ELL: variants seen among roughly 807,000 people sequenced by gnomAD.
The protein encoded by ELL is elongation factor for RNA polymerase II, also known as RNA polymerase II elongation factor ELL.
A neutral mutation model predicts 64.0 loss-of-function variants in ELL; 18 were observed. The observed-to-expected ratio is 0.28, with a 90% CI of 0.19 to 0.42. The LOEUF (loss-of-function observed/expected upper bound fraction) is 0.42, where lower values mean the gene tolerates loss of function less well. ELL is among the 10% of genes least tolerant of loss of function. The probability of loss-of-function intolerance (pLI) is 1.00; values close to 1 mark genes in which losing one functional copy is unlikely to be tolerated. For synonymous variants in ELL, 399 were observed against 376.2 expected (o/e 1.06, Z -0.70); for missense variants, 797 against 870.4 (o/e 0.92, Z 1.06).
intron 1 of ELL, among the ~76,000 whole-genome samples, chr19:18,488,257 G>C (rs1487520752): frequency 1.3e-5 from 2 of 152,232 alleles, no homozygotes; most frequent in Non-Finnish European, 2.9e-5. Flanking sequence ...TTCCCAGAAA[G>C]ATGCCCGTCC....
intron 3 of ELL, 72 bp downstream of exon 3, chr19:18,465,725 C>T (rs540396988): frequency 5.5e-6 from 8 of 1,442,366 alleles, no homozygotes; most frequent in African/African-American, 4.4e-5. Flanking sequence ...GGGCACATCT[C>T]AACCCTGGGC....
chr19:18,510,185 T>C (rs1365601707), intron 1 of ELL, among the ~76,000 whole-genome samples: 1 of 152,204 alleles, frequency 6.6e-6, no homozygotes, highest in Non-Finnish European at 1.5e-5. Flanking sequence ...CTGGCCAGCA[T>C]GGTGAAACCC....
At chr19:18,515,436 C>T (rs752114803) in intron 1 of ELL, among the ~76,000 whole-genome samples, 1 of 152,258 alleles carries the variant, frequency 6.6e-6, no homozygotes, top group Non-Finnish European at 1.5e-5. Context: ...ATTCTGAGTT[C>T]TCAGCTACTT....
At chr19:18,504,456 A>G (rs2144968358) in intron 1 of ELL, among the ~76,000 whole-genome samples, 1 of 152,266 alleles carries the variant, frequency 6.6e-6, no homozygotes, top group Admixed American at 6.5e-5. Flanking sequence ...TGCCATGTAC[A>G]TCTCATCCCT....
chr19:18,451,365 C>G (rs1288360658), intron 7 of ELL, among the ~76,000 whole-genome samples, 187 bp downstream of exon 7: 1 of 152,246 alleles, frequency 6.6e-6, no homozygotes, highest in Admixed American at 6.5e-5. Context: ...TGCGGCCACA[C>G]TGGCAGGAAT....
chr19:18,503,888 G>A (rs1405797214), intron 1 of ELL, among the ~76,000 whole-genome samples: 2 of 152,180 alleles, frequency 1.3e-5, no homozygotes, highest in Non-Finnish European at 2.9e-5. Context: ...GGAGTCACAC[G>A]TGGGGGCCTG....
intron 1 of ELL, among the ~76,000 whole-genome samples, chr19:18,483,487 C>T (rs186972898): frequency 1.4e-3 from 213 of 152,310 alleles, no homozygotes; most frequent in African/African-American, 4.7e-3. Flanking sequence ...CCAAATCACA[C>T]GCAAGGACTC....
intron 1 of ELL, among the ~76,000 whole-genome samples, chr19:18,506,280 C>T (rs1001591199): frequency 6.6e-6 from 1 of 152,246 alleles, no homozygotes; most frequent in Admixed American, 6.5e-5. Context: ...CAGCGACCTG[C>T]CTGGGCCACC....
chr19:18,494,457 G>A (rs1015602079), intron 1 of ELL, among the ~76,000 whole-genome samples: 2 of 151,712 alleles, frequency 1.3e-5, no homozygotes, highest in Non-Finnish European at 2.9e-5. Context: ...GCAGTGGCGC[G>A]ATCTCTGCTC....
At position 18,458,187 on chromosome 19, in the gene ELL, G is replaced by C. The variant is rs1429870808; in HGVS notation, c.869+18C>G. On this transcript the variant is annotated intron_variant, in intron 6 of 11. Coordinates refer to ENST00000262809, the MANE Select transcript of ELL (RefSeq NM_006532.4). ...TCATGCGGGTGGGGACATGCTGGGGGATGGGAGGCGGCATTACCGGACGAG... is the reference window on the plus strand; with the variant it reads ...TCATGCGGGTGGGGACATGCTGGGGCATGGGAGGCGGCATTACCGGACGAG... 2 of 1,606,206 alleles carry C rather than the reference G, an allele frequency of 1.2e-6. No homozygotes were observed. Among genetic ancestry groups the C allele is most frequent in the Admixed American group, 3.3e-5 (2 of 59,988 alleles).
At position 18,509,598 on chromosome 19, in the gene ELL, T is replaced by TACACACACAC. The variant is rs1183127480; in HGVS notation, c.135+12313_135+12322dup. Among the ~76,000 whole-genome samples the TACACACACAC allele has an allele frequency of 3.2e-3, 262 of 81,852 alleles. 4 individuals are homozygous for TACACACACAC. The highest frequency in any genetic ancestry group is 0.011 in the East Asian group (31 of 2,858). 53.7% of individuals were successfully genotyped at this position (81,852 alleles called of 152,430 possible). On this transcript the variant is annotated intron_variant, in intron 1 of 11. Transcript: ENST00000262809. The stretch of plus-strand genomic sequence containing the variant: ...CAATGCACGTGCGCGCGCGCGCACA[T>TACACACACAC]ACACACACACACACACACACACACA...
chr19:18,485,712 G>A (rs1975397684), intron 1 of ELL, among the ~76,000 whole-genome samples: 2 of 152,216 alleles, frequency 1.3e-5, no homozygotes, highest in Non-Finnish European at 2.9e-5. Flanking sequence ...GATGGGCCGG[G>A]CGCGGTGGCT....
In ELL at chr19:18,443,615, C is replaced by T. The variant is rs904980184; in HGVS notation, c.*1137G>A. The T allele has an allele frequency of 5.6e-5, 13 of 233,424 alleles. No homozygotes were observed. Among genetic ancestry groups the T allele is most frequent in the South Asian group, 1.8e-4 (1 of 5,536 alleles). 14.5% of individuals were successfully genotyped at this position (233,424 alleles called of 1,614,324 possible). On this transcript the variant is annotated 3_prime_UTR_variant, in exon 12 of 12. Transcript: ENST00000262809. ...ACTCACACACCCACACTTGCGTGGC[C>T]CCCCGATGCTTTGGGGGACACTAGA...
At position 18,458,213 on chromosome 19, in the gene ELL, C is replaced by A. The variant is rs1346305402; in HGVS notation, c.861G>T (p.Val287=). ...SEGDQQLLKR[V]LVRKLCQPQS... ...ATGGGAGGCGGCATTACCGGACGAG[C>A]ACCCGCTTCAGCAGCTGCTGGTCCC... is the stretch of plus-strand genomic sequence containing the variant. Residue 287 remains valine (V), a synonymous_variant, in exon 6 of 12, where the codon GTG becomes GTT. Coordinates refer to ENST00000262809, the MANE Select transcript of ELL (RefSeq NM_006532.4). 2 of 1,609,956 alleles carry A rather than the reference C, an allele frequency of 1.2e-6. No homozygotes were observed. Among genetic ancestry groups the A allele is most frequent in the Non-Finnish European group, 1.7e-6 (2 of 1,179,972 alleles).
At chr19:18,518,626 A>C (rs1976182072) in intron 1 of ELL, among the ~76,000 whole-genome samples, 1 of 151,692 alleles carries the variant, frequency 6.6e-6, no homozygotes, top group South Asian at 2.1e-4. Flanking sequence ...CCCCATCTCT[A>C]CCAAAAATAC....
chr19:18,479,038 C>T (rs149203473), intron 1 of ELL, among the ~76,000 whole-genome samples: 42 of 152,298 alleles, frequency 2.8e-4, no homozygotes, highest in African/African-American at 7.0e-4. Flanking sequence ...AGAGCACTTC[C>T]GGGGATGAAG....
At chr19:18,445,169 T>TC (rs1298310180) in intron 11 of ELL, 55 bp downstream of exon 11, 9 of 1,597,952 alleles carry the variant, frequency 5.6e-6, no homozygotes, top group Non-Finnish European at 6.0e-6. Flanking sequence ...CCCACCCTCC[T>TC]CCCTCCAGCT....
At chr19:18,511,665 A>T (rs1976026389) in intron 1 of ELL, among the ~76,000 whole-genome samples, 1 of 152,160 alleles carries the variant, frequency 6.6e-6, no homozygotes. Flanking sequence ...GTGGAAGTAC[A>T]GGGGGCCCCA....
chr19:18,446,845 T>C, intron 8 of ELL, 31 bp from the exon 9 acceptor site: 1 of 1,613,424 alleles, frequency 6.2e-7, no homozygotes, highest in Non-Finnish European at 8.5e-7. Flanking sequence ...CTCCTGAGTC[T>C]GCGCCCATGG....
Sources: gnomAD v4.1 joint callset for allele counts (sites outside exome capture counted in the v4.1 genomes callset) on GRCh38, gnomAD v4.1.1 for gene constraint, MANE v1.5 for transcripts, NCBI Gene and HGNC (gene_info 2026-07-23, HGNC 2026-07-21) for gene names.